Variants in CDH12 observed in about 807,000 individuals in gnomAD.
CDH12 encodes the protein cadherin-12.
Under a neutral mutation model 74.1 loss-of-function variants are expected in CDH12, and 41 were observed. The observed-to-expected ratio is 0.55, with a 90% CI of 0.43 to 0.72. The LOEUF is 0.72. Among genes scored for constraint, CDH12 ranks in the 30% least tolerant of loss-of-function variants. CDH12 has a pLI of 0.00. For missense variants in CDH12, 945 were observed against 977.2 expected, an observed-to-expected ratio of 0.97 and a Z score of 0.44; for synonymous variants, 399 against 355.0, an observed-to-expected ratio of 1.12 and a Z score of -1.39.
At chr5:22,698,543 C>A (rs1460430222) in intron 1 of CDH12, among the ~76,000 whole-genome samples, 1 of 151,180 alleles carries the variant, frequency 6.6e-6, no homozygotes, top group Non-Finnish European at 1.5e-5. Flanking sequence ...AAGATCACAA[C>A]ATGTCTTTTT....
intron 4 of CDH12, among the ~76,000 whole-genome samples, chr5:22,095,031 T>G (rs1743669258): frequency 6.6e-6 from 1 of 152,134 alleles, no homozygotes; most frequent in South Asian, 2.1e-4. Context: ...ACAAAGCCTG[T>G]TTAGTGGTCT....
chr5:22,292,975 A>G (rs1262573717), intron 3 of CDH12, among the ~76,000 whole-genome samples: 1 of 152,080 alleles, frequency 6.6e-6, no homozygotes, highest in Middle Eastern at 3.2e-3. Flanking sequence ...TGTAATTCAC[A>G]TCTGTTCCCA....
chr5:22,596,189 C>T (rs1457895141), intron 1 of CDH12, among the ~76,000 whole-genome samples: 1 of 151,688 alleles, frequency 6.6e-6, no homozygotes, highest in Admixed American at 6.6e-5. Flanking sequence ...GTAATCCCAG[C>T]ATTCTGGGAG....
chr5:22,521,854 C>A (rs1024714730), intron 1 of CDH12, among the ~76,000 whole-genome samples: 1 of 152,110 alleles, frequency 6.6e-6, no homozygotes, highest in East Asian at 1.9e-4. Context: ...TAAGTTAAAG[C>A]GAAGTGGATA....
At chr5:22,512,189 C>G (rs75635600) in intron 1 of CDH12, among the ~76,000 whole-genome samples, 2,719 of 151,912 alleles carry the variant, frequency 0.018, 80 homozygotes, top group African/African-American at 0.062. Context: ...AAAGACAACA[C>G]GAGGGCAACA....
chr5:22,848,084 T>A (rs1737387800), intron 1 of CDH12, among the ~76,000 whole-genome samples: 1 of 152,110 alleles, frequency 6.6e-6, no homozygotes, highest in Non-Finnish European at 1.5e-5. Context: ...TTTTATCTAT[T>A]CATGTGTTCA....
chr5:21,764,491 T>C (rs1394446572), intron 12 of CDH12, among the ~76,000 whole-genome samples: 2 of 150,846 alleles, frequency 1.3e-5, no homozygotes, highest in African/African-American at 4.9e-5. Flanking sequence ...CTATTAAAAA[T>C]ACAAAAAATT....
intron 6 of CDH12, among the ~76,000 whole-genome samples, chr5:21,921,085 G>C (rs1277892230): frequency 1.3e-5 from 2 of 152,130 alleles, no homozygotes; most frequent in Non-Finnish European, 2.9e-5. Flanking sequence ...TTCTGTCTCT[G>C]TCCTTGAGGG....
intron 2 of CDH12, among the ~76,000 whole-genome samples, chr5:22,408,041 T>C (rs994149755): frequency 2.6e-5 from 4 of 152,102 alleles, no homozygotes; most frequent in African/African-American, 4.8e-5. Flanking sequence ...TCTTCCCATT[T>C]CAGTCAGTTT....
intron 6 of CDH12, among the ~76,000 whole-genome samples, chr5:21,877,629 C>T (rs1000677789): frequency 6.6e-6 from 1 of 152,128 alleles, no homozygotes; most frequent in African/African-American, 2.4e-5. Flanking sequence ...TATCGATATC[C>T]CATCAATAGT....
In CDH12 at chr5:21,760,618, A is replaced by G; in HGVS notation, c.1573T>C (p.Ser525Pro). The change falls in exon 13 of 15, where the codon TCC becomes CCC. Residue 525 changes from serine (S) to proline (P), a missense_variant. Transcript: ENST00000382254. Reference sequence around the variant, plus strand: ...GCAGCCTCAGGTGATAATCTAAAGGAGAATTGTTGCCCAGCAGGTGAAAGA... The same window carrying G: ...GCAGCCTCAGGTGATAATCTAAAGGGGAATTGTTGCCCAGCAGGTGAAAGA... The part of the protein sequence containing the change: ...RDLSPAGQQF[S>P]FRLSPEAAIK... 3 of 1,612,542 alleles carry G rather than the reference A, an allele frequency of 1.9e-6. No homozygotes were observed. Among genetic ancestry groups the G allele is most frequent in the African/African-American group, 1.3e-5 (1 of 75,000 alleles).
chr5:22,117,512 A>AATATATATATATAAT (rs368083045), intron 4 of CDH12, among the ~76,000 whole-genome samples: 1 of 58,616 alleles, frequency 1.7e-5, no homozygotes, highest in Non-Finnish European at 3.0e-5. Context: ...ATATATATAT[A>AATATATATATATAAT]ATATATATAT....
intron 6 of CDH12, among the ~76,000 whole-genome samples, chr5:21,892,803 A>T (rs1221764710): frequency 6.6e-6 from 1 of 152,210 alleles, no homozygotes; most frequent in Admixed American, 6.5e-5. Context: ...AAGCAAAAGC[A>T]TGATATCCAT....
At chr5:22,717,924 A>AT (rs1203992830) in intron 1 of CDH12, among the ~76,000 whole-genome samples, 1 of 152,142 alleles carries the variant, frequency 6.6e-6, no homozygotes, top group East Asian at 1.9e-4. Context: ...AGAAAAAAAA[A>AT]GCATCTTCTG....
intron 1 of CDH12, among the ~76,000 whole-genome samples, chr5:22,658,877 T>C (rs1740201430): frequency 6.6e-6 from 1 of 152,158 alleles, no homozygotes; most frequent in Admixed American, 6.5e-5. Context: ...TAGTCTTCCA[T>C]CATACTACTA....
At chr5:21,843,647 T>C (rs1749997501) in intron 7 of CDH12, among the ~76,000 whole-genome samples, 1 of 152,016 alleles carries the variant, frequency 6.6e-6, no homozygotes, top group African/African-American at 2.4e-5. Flanking sequence ...CCGGAGTAGC[T>C]GGGATTACAG....
intron 4 of CDH12, among the ~76,000 whole-genome samples, chr5:22,182,622 A>G (rs1459224567): frequency 6.6e-6 from 1 of 152,202 alleles, no homozygotes; most frequent in Non-Finnish European, 1.5e-5. Context: ...CAGGTGTTCT[A>G]AAAATAGGGA....
chr5:22,350,559 T>G (rs1740317505), intron 3 of CDH12, among the ~76,000 whole-genome samples: 1 of 152,192 alleles, frequency 6.6e-6, no homozygotes, highest in African/African-American at 2.4e-5. Context: ...TCCATAGGGT[T>G]TGTTCAATGT....
chr5:22,545,435 AG>A (rs1738273835), intron 1 of CDH12, among the ~76,000 whole-genome samples: 1 of 152,216 alleles, frequency 6.6e-6, no homozygotes, highest in Non-Finnish European at 1.5e-5. Flanking sequence ...ACAAATATGC[AG>A]GGCAAGGTAT....
Sources: gnomAD v4.1 joint callset for allele counts (sites outside exome capture counted in the v4.1 genomes callset) on GRCh38, gnomAD v4.1.1 for gene constraint, MANE v1.5 for transcripts, NCBI Gene and HGNC (gene_info 2026-07-23, HGNC 2026-07-21) for gene names.